The following KCNIP4 variants were observed in gnomAD, a reference collection of about 807,000 sequenced individuals.
KCNIP4 encodes the protein Kv channel-interacting protein 4.
A neutral mutation model predicts 34.0 loss-of-function variants in KCNIP4; 12 were observed. The observed-to-expected ratio is 0.35, with a 90% confidence interval of 0.23 to 0.57. The LOEUF (loss-of-function observed/expected upper bound fraction) is 0.57. KCNIP4 is among the 20% of genes least tolerant of loss of function. The pLI, the probability that KCNIP4 is intolerant of heterozygous loss-of-function variation, is 0.83. For synonymous variants in KCNIP4, 124 were observed against 102.2 expected, an observed-to-expected ratio of 1.21 and a Z score of -1.29; for missense variants, 238 against 311.7, an observed-to-expected ratio of 0.76 and a Z score of 1.78.
chr4:20,819,935 T>C (rs1194660470), intron 3 of KCNIP4, among the ~76,000 whole-genome samples: 3 of 152,174 alleles, frequency 2.0e-5, no homozygotes, highest in Non-Finnish European at 4.4e-5. Flanking sequence ...ATTTCTATTA[T>C]TGATAAGTTA....
chr4:21,049,077 A>T (rs893770248), intron 1 of KCNIP4, among the ~76,000 whole-genome samples: 1 of 148,570 alleles, frequency 6.7e-6, no homozygotes, highest in African/African-American at 2.5e-5. Context: ...CAGCCTCCCG[A>T]GTAGCTGGGA....
intron 2 of KCNIP4, among the ~76,000 whole-genome samples, chr4:20,862,268 C>T (rs1468083061): frequency 6.6e-6 from 1 of 152,054 alleles, no homozygotes; most frequent in Non-Finnish European, 1.5e-5. Flanking sequence ...GGATAACAGA[C>T]ATCAGCCACT....
rs532151602 is a variant in KCNIP4, at chr4:21,754,481, T to C, written c.61+194090A>G. 1.8e-3 allele frequency among the ~76,000 whole-genome samples: 281 copies of C among 152,312 alleles called. 2 individuals are homozygous for C. Among genetic ancestry groups the C allele is most frequent in the African/African-American group, 6.3e-3 (262 of 41,568 alleles). The stretch of plus-strand genomic sequence containing the variant: ...GAATTAATTAATGCATAAATAACCA[T>C]AAGCAATAGGTATGACCATTATTCC... On this transcript the variant is annotated intron_variant, in intron 1 of 8. Transcript: ENST00000382152.
intron 1 of KCNIP4, among the ~76,000 whole-genome samples, chr4:21,133,702 C>G (rs1055282001): frequency 4.6e-5 from 7 of 152,152 alleles, no homozygotes; most frequent in Admixed American, 2.6e-4. Flanking sequence ...AAAAATATTA[C>G]TACAATTTCT....
At chr4:21,088,661 G>A (rs1010813613) in intron 1 of KCNIP4, among the ~76,000 whole-genome samples, 4 of 152,040 alleles carry the variant, frequency 2.6e-5, no homozygotes, top group African/African-American at 7.2e-5. Flanking sequence ...AAACAGGCCT[G>A]GAATTACTCT....
At chr4:21,730,422 G>A (rs528469957) in intron 1 of KCNIP4, among the ~76,000 whole-genome samples, 1 of 152,210 alleles carries the variant, frequency 6.6e-6, no homozygotes, top group East Asian at 1.9e-4. Flanking sequence ...CAGTGTTGGT[G>A]CACACTCAGG....
intron 1 of KCNIP4, among the ~76,000 whole-genome samples, chr4:21,665,131 T>C (rs1360481656): frequency 6.6e-6 from 1 of 152,216 alleles, no homozygotes; most frequent in East Asian, 1.9e-4. Context: ...TCACTTCTGT[T>C]ATTTTTCAGA....
intron 1 of KCNIP4, among the ~76,000 whole-genome samples, chr4:21,295,696 C>T (rs1468892189): frequency 6.6e-6 from 1 of 152,156 alleles, no homozygotes; most frequent in African/African-American, 2.4e-5. Flanking sequence ...TTTGGAAAGG[C>T]TTTCTCTGAC....
intron 1 of KCNIP4, among the ~76,000 whole-genome samples, chr4:21,654,689 C>T (rs1031900322): frequency 2.6e-5 from 4 of 151,888 alleles, no homozygotes; most frequent in Non-Finnish European, 4.4e-5. Flanking sequence ...TTTGGGACGC[C>T]GAGGCAGGCA....
intron 1 of KCNIP4, among the ~76,000 whole-genome samples, chr4:21,574,145 T>C (rs1577621053): frequency 6.6e-6 from 1 of 152,276 alleles, no homozygotes; most frequent in Non-Finnish European, 1.5e-5. Flanking sequence ...ATTTTCTTGT[T>C]AATGAACACA....
intron 1 of KCNIP4, among the ~76,000 whole-genome samples, chr4:21,549,940 T>G (rs2109013905): frequency 6.6e-6 from 1 of 152,246 alleles, no homozygotes; most frequent in South Asian, 2.1e-4. Flanking sequence ...TGTAAGTCTG[T>G]AAATTGTAGA....
At chr4:21,157,640 A>G (rs1753240385) in intron 1 of KCNIP4, among the ~76,000 whole-genome samples, 1 of 152,160 alleles carries the variant, frequency 6.6e-6, no homozygotes, top group Non-Finnish European at 1.5e-5. Flanking sequence ...AAAAATAAAA[A>G]CACATGATAT....
At chr4:21,904,278 T>C (rs867365231) in intron 1 of KCNIP4, among the ~76,000 whole-genome samples, 7 of 152,308 alleles carry the variant, frequency 4.6e-5, no homozygotes, top group Middle Eastern at 3.4e-3. Flanking sequence ...TGGATTCAAA[T>C]TCTTGTTCCT....
At position 21,056,217 on chromosome 4, in the gene KCNIP4, C is replaced by T. The variant is rs77131169; in HGVS notation, c.62-173508G>A. Among the ~76,000 whole-genome samples, 29 of 152,222 alleles carry T rather than the reference C, an allele frequency of 1.9e-4. No individual in the cohort carries two copies. The East Asian group carries it at 5.2e-3, about 27-fold the overall frequency. On this transcript the variant is annotated intron_variant, in intron 1 of 8. Coordinates refer to ENST00000382152, the MANE Select transcript of KCNIP4 (RefSeq NM_025221.6). ...ACTTTCATCTATAGCTTAATCTCCCCACCTATTTTCCTCCACCATCTTTGT... is the reference window on the plus strand; with the variant it reads ...ACTTTCATCTATAGCTTAATCTCCCTACCTATTTTCCTCCACCATCTTTGT...
chr4:21,051,893 A>G (rs987094010), intron 1 of KCNIP4, among the ~76,000 whole-genome samples: 1 of 152,212 alleles, frequency 6.6e-6, no homozygotes, highest in East Asian at 1.9e-4. Flanking sequence ...GCAAGTTACA[A>G]ATATGAAATA....
intron 1 of KCNIP4, among the ~76,000 whole-genome samples, chr4:21,170,336 G>A (rs976757861): frequency 3.3e-5 from 5 of 152,018 alleles, no homozygotes; most frequent in African/African-American, 7.2e-5. Context: ...AATTTGCTTC[G>A]GTTTCTAACA....
At chr4:20,968,156 G>T (rs1734562965) in intron 1 of KCNIP4, among the ~76,000 whole-genome samples, 3 of 152,162 alleles carry the variant, frequency 2.0e-5, no homozygotes, top group Non-Finnish European at 4.4e-5. Flanking sequence ...CATTTATGCA[G>T]CCAAAAGACA....
chr4:21,183,059 A>G (rs1365452574), intron 1 of KCNIP4, among the ~76,000 whole-genome samples: 1 of 152,132 alleles, frequency 6.6e-6, no homozygotes, highest in Non-Finnish European at 1.5e-5. Flanking sequence ...TTCTACTTCT[A>G]TAAGATCAAG....
chr4:21,891,694 G>A (rs143867338), intron 1 of KCNIP4, among the ~76,000 whole-genome samples: 2,155 of 152,096 alleles, frequency 0.014, 23 homozygotes, highest in Admixed American at 0.03. Flanking sequence ...TTGTCCAAAG[G>A]AATTTAAAGC....
Sources: gnomAD v4.1 joint callset for allele counts (sites outside exome capture counted in the v4.1 genomes callset) on GRCh38, gnomAD v4.1.1 for gene constraint, MANE v1.5 for transcripts, NCBI Gene and HGNC (gene_info 2026-07-23, HGNC 2026-07-21) for gene names.